TRPM6: variants seen among roughly 807,000 people sequenced by gnomAD.
TRPM6 encodes the protein channel kinase 2.
In TRPM6, 111 loss-of-function variants were observed where a neutral mutation model predicts 247.6. The observed-to-expected ratio is 0.45, with a 90% CI of 0.38 to 0.52. The LOEUF is 0.52. Among genes scored for constraint, TRPM6 ranks in the 20% least tolerant of loss-of-function variants. The pLI, the probability that TRPM6 is intolerant of heterozygous loss-of-function variation, is 0.00. For synonymous variants in TRPM6, 892 were observed against 853.8 expected (o/e 1.04, Z -0.78); for missense variants, 2,126 against 2,421.5 (o/e 0.88, Z 2.56).
rs190971557 is a variant in TRPM6 at position 74,785,714 on chromosome 9, G to A, written c.2919+160C>T. Among the ~76,000 whole-genome samples the A allele has an allele frequency of 1.1e-3, 163 of 152,100 alleles. 1 individual carries two copies. The highest frequency in any genetic ancestry group is 6.8e-3 in the Middle Eastern group (2 of 294). ...ATTTTTTTGTATTTTTAGTAGAGAC[G>A]GGGTTTCACCCTGTTAGCCAGGATG... On this transcript the variant is annotated intron_variant, in intron 21 of 38. Coordinates refer to ENST00000360774, the MANE Select transcript of TRPM6 (RefSeq NM_017662.5).
chr9:74,884,502 T>TAC (rs1831466910), intron 1 of TRPM6, among the ~76,000 whole-genome samples: 5 of 128,174 alleles, frequency 3.9e-5, no homozygotes, highest in East Asian at 2.1e-4. Flanking sequence ...AATAAATACA[T>TAC]ATATACATAC....
intron 6 of TRPM6, among the ~76,000 whole-genome samples, chr9:74,830,048 T>G (rs1194102445): frequency 6.6e-6 from 1 of 152,154 alleles, no homozygotes; most frequent in African/African-American, 2.4e-5. Flanking sequence ...GGAGGATCAC[T>G]TGAGCCCAAC....
Position 74,772,594 on chromosome 9 carries a change from G to A in TRPM6, c.3404-759C>T, listed in dbSNP as rs11144080. Reference sequence around the variant, plus strand: ...TTGGTGGCACAAGCCTGTAGTCACAGCTACTCAGGAGGCTGAGGCAGATCT... The same window carrying A: ...TTGGTGGCACAAGCCTGTAGTCACAACTACTCAGGAGGCTGAGGCAGATCT... On this transcript the variant is annotated intron_variant, in intron 24 of 38. Transcript: ENST00000360774. 5.7e-4 allele frequency among the ~76,000 whole-genome samples: 87 copies of A among 152,344 alleles called. No homozygotes were observed. The East Asian group carries it at 0.014, about 24-fold the overall frequency.
intron 25 of TRPM6, among the ~76,000 whole-genome samples, chr9:74,764,313 T>C (rs1266650112): frequency 1.3e-5 from 2 of 152,110 alleles, no homozygotes; most frequent in African/African-American, 2.4e-5. Context: ...GATAGAGTAA[T>C]CAAGTTAAAA....
chr9:74,821,799 C>T lies in TRPM6; in HGVS notation c.880G>A (p.Glu294Lys). The stretch of plus-strand genomic sequence containing the variant: ...GACAGGATGACGTTGGGACCGCCTT[C>T]CACCACCAGCCCCACGACCGGCACG... Reference protein sequence around the residue: ...QGVPVVGLVVEGGPNVILSVW... With the variant: ...QGVPVVGLVVKGGPNVILSVW... Residue 294 changes from glutamate (E) to lysine (K), a missense_variant, in exon 8 of 39, where the codon GAA becomes AAA. Coordinates refer to ENST00000360774, the MANE Select transcript of TRPM6 (RefSeq NM_017662.5). The T allele has an allele frequency of 1.9e-6, 3 of 1,614,200 alleles. No individual in the cohort carries two copies. Among genetic ancestry groups the T allele is most frequent in the Non-Finnish European group, 2.5e-6 (3 of 1,180,042 alleles).
rs1180740269 is a variant in TRPM6, at chr9:74,744,115, T to C, written c.5114A>G (p.Glu1705Gly). ...CCTACCTGAATAATGATGGTGAGGC[T>C]CTTGAGGGCTTTTTAAGGAGGCTGA... The part of the protein sequence containing the change: ...KISASLKSPQ[E>G]PHHHYSAIER... Residue 1705 changes from glutamate (E) to glycine (G), a missense_variant, in exon 32 of 39, where the codon GAG (glutamate) becomes GGG (glycine). By Grantham distance (98) the Glu-to-Gly change is moderately conservative. Transcript: ENST00000360774. 3.1e-6 allele frequency: 5 copies of C among 1,614,072 alleles called. No individual in the cohort carries two copies. The Admixed American group carries it at 6.7e-5, about 22-fold the overall frequency.
At chr9:74,741,504 T>C (rs1221357551) in intron 33 of TRPM6, among the ~76,000 whole-genome samples, 1 of 152,080 alleles carries the variant, frequency 6.6e-6, no homozygotes, top group Non-Finnish European at 1.5e-5. Context: ...ACTGAAGATC[T>C]CTTTGGAGTT....
At chr9:74,858,345 C>T (rs1379463440) in intron 2 of TRPM6, among the ~76,000 whole-genome samples, 3 of 152,220 alleles carry the variant, frequency 2.0e-5, no homozygotes, top group African/African-American at 7.2e-5. Context: ...TGAGATTGCG[C>T]CACTGCACTC....
At chr9:74,796,033 TTA>T (rs1354886242) in intron 18 of TRPM6, among the ~76,000 whole-genome samples, 1 of 152,176 alleles carries the variant, frequency 6.6e-6, no homozygotes, top group Non-Finnish European at 1.5e-5. Flanking sequence ...GTAATGCAAA[TTA>T]TGTTCCTCAA....
chr9:74,801,055 A>G (rs1435808253), intron 16 of TRPM6, among the ~76,000 whole-genome samples: 1 of 151,786 alleles, frequency 6.6e-6, no homozygotes, highest in African/African-American at 2.4e-5. Context: ...CCCCCATGTG[A>G]TTTTCGAGGA....
chr9:74,795,760 A>T (rs1282849789), intron 18 of TRPM6, among the ~76,000 whole-genome samples: 3 of 152,240 alleles, frequency 2.0e-5, no homozygotes, highest in Non-Finnish European at 4.4e-5. Flanking sequence ...TCAAGAGGTT[A>T]TCAGCTAAAA....
chr9:74,796,312 C>T (rs1828097147), intron 18 of TRPM6, among the ~76,000 whole-genome samples: 1 of 152,184 alleles, frequency 6.6e-6, no homozygotes, highest in Non-Finnish European at 1.5e-5. Flanking sequence ...GTAAGCCCCA[C>T]AGTTGAAAAG....
At chr9:74,793,795 G>A (rs1256788151) in intron 18 of TRPM6, among the ~76,000 whole-genome samples, 4 of 152,158 alleles carry the variant, frequency 2.6e-5, no homozygotes, top group Non-Finnish European at 5.9e-5. Flanking sequence ...GCAACCATGT[G>A]CAAGTATTTG....
chr9:74,833,636 A>G (rs1382832571), intron 6 of TRPM6, among the ~76,000 whole-genome samples: 2 of 152,232 alleles, frequency 1.3e-5, no homozygotes, highest in East Asian at 3.8e-4. Context: ...AAGAGTAAAG[A>G]TGGCTATTGC....
At chr9:74,756,905 A>G (rs1208715047) in intron 27 of TRPM6, among the ~76,000 whole-genome samples, 1 of 152,054 alleles carries the variant, frequency 6.6e-6, no homozygotes, top group Non-Finnish European at 1.5e-5. Context: ...TTTCTACCTT[A>G]ACAAACTAGA....
chr9:74,729,671 G>A (rs981887323), intron 37 of TRPM6, among the ~76,000 whole-genome samples: 1 of 152,162 alleles, frequency 6.6e-6, no homozygotes, highest in African/African-American at 2.4e-5. Flanking sequence ...ACTTCAATAA[G>A]GTGAAACTGA....
At chr9:74,837,521 G>A (rs1276590634) in intron 5 of TRPM6, among the ~76,000 whole-genome samples, 3 of 151,420 alleles carry the variant, frequency 2.0e-5, no homozygotes, top group Non-Finnish European at 2.9e-5. Context: ...ATCTCGGCTC[G>A]CTGCAACCTC....
chr9:74,777,647 AG>A (rs1253354961), intron 23 of TRPM6, among the ~76,000 whole-genome samples: 3 of 152,178 alleles, frequency 2.0e-5, no homozygotes, highest in African/African-American at 7.2e-5. Flanking sequence ...GTTGAATAGA[AG>A]GTAGAAACAG....
In TRPM6 at chr9:74,752,287, T is replaced by C. The variant is rs55679040; in HGVS notation, c.4988A>G (p.Gln1663Arg). The C allele has an allele frequency of 8.1e-3, 12,773 of 1,586,390 alleles. 74 individuals are homozygous for C. Among genetic ancestry groups the C allele is most frequent in the Middle Eastern group, 0.019 (117 of 6,010 alleles). The change falls in exon 29 of 39, where the codon CAG becomes CGG. Residue 1663 changes from glutamine (Q) to arginine (R), a missense_variant. By Grantham distance (43) the Gln-to-Arg change is conservative. Transcript: ENST00000360774. ...CTAAAATATTTTTACCTCTTGAGAC[T>C]GCTTTAGGTAATCACTGATTTGTAT... ...CAIQISDYLK[Q>R]SQEDLSKNSL...
Sources: allele counts gnomAD v4.1 joint callset (sites outside exome capture counted in the v4.1 genomes callset), GRCh38; gene constraint gnomAD v4.1.1; transcripts MANE v1.5; gene names NCBI Gene and HGNC (gene_info 2026-07-23, HGNC 2026-07-21).